Variants in MTTP observed in about 807,000 individuals in gnomAD.
MTTP encodes microsomal triglyceride transfer protein, also known as microsomal triglyceride transfer protein large subunit.
Under a neutral mutation model 90.6 loss-of-function variants are expected in MTTP, and 49 were observed. That is an observed-to-expected ratio of 0.54 (90% CI 0.43 to 0.69). The LOEUF (loss-of-function observed/expected upper bound fraction) is 0.69. MTTP is among the 30% of genes least tolerant of loss of function. The probability of loss-of-function intolerance (pLI) is 0.00; values close to 1 mark genes in which losing one functional copy is unlikely to be tolerated. For missense variants in MTTP, 945 were observed against 1,067.5 expected (o/e 0.89, Z 1.60); for synonymous variants, 347 against 384.2 (o/e 0.90, Z 1.13).
At chr4:99,616,050 G>C (rs1726091707) in intron 15 of MTTP, among the ~76,000 whole-genome samples, 1 of 151,942 alleles carries the variant, frequency 6.6e-6, no homozygotes, top group African/African-American at 2.4e-5. Flanking sequence ...TGTACACCAG[G>C]AGACAAAAGA....
At position 99,586,923 on chromosome 4, in the gene MTTP, G is replaced by A. The variant is rs148407451; in HGVS notation, c.394-2720G>A. Among the ~76,000 whole-genome samples the A allele has an allele frequency of 8.5e-3, 1,288 of 152,166 alleles. 10 individuals carry two copies. The highest frequency in any genetic ancestry group is 0.035 in the South Asian group (167 of 4,822). ...GTGGTTTCCTTGGGTTAAAGACTTC[G>A]TTTGTAACCAGGTCATACCTGCTGC... is the stretch of plus-strand genomic sequence containing the variant. On this transcript the variant is annotated intron_variant, in intron 3 of 17. Transcript: ENST00000265517.
intron 1 of MTTP, among the ~76,000 whole-genome samples, chr4:99,579,997 C>T (rs1725063852): frequency 7.0e-6 from 1 of 142,974 alleles, no homozygotes; most frequent in Non-Finnish European, 1.5e-5. Flanking sequence ...GATCGCATGA[C>T]TGCACTCCAG....
chr4:99,608,937 G>C lies in MTTP; in HGVS notation c.1729G>C (p.Ala577Pro). The C allele has an allele frequency of 6.2e-7, 1 of 1,614,056 alleles. No individual in the cohort carries two copies. Among genetic ancestry groups the C allele is most frequent in the Non-Finnish European group, 8.5e-7 (1 of 1,179,994 alleles). The change falls in exon 12 of 18, where the codon GCC becomes CCC. Residue 577 changes from alanine to proline, a missense_variant. Transcript: ENST00000265517. ...LPQEMNKYML[A>P]IVQDILRFEM... ...CCAAGAAATGAATAAATACATGCTC[G>C]CCATTGTTCAAGACATCCTACGTTT...
rs547700564 is a variant in MTTP at position 99,588,213 on chromosome 4, T to C, written c.394-1430T>C. Among the ~76,000 whole-genome samples the C allele has an allele frequency of 3.9e-5, 6 of 152,288 alleles. No homozygotes were observed. In the South Asian group the frequency reaches 1.0e-3, roughly 26 times the overall value. On this transcript the variant is annotated intron_variant, in intron 3 of 17. Coordinates refer to ENST00000265517, the MANE Select transcript of MTTP (RefSeq NM_001386140.1). Reference sequence around the variant, plus strand: ...TGAGCTTGGTATTATTTGGATTCATTGCATAGCTATTGAGCTTTATGTTTT... The same window carrying C: ...TGAGCTTGGTATTATTTGGATTCATCGCATAGCTATTGAGCTTTATGTTTT...
chr4:99,589,717 T>C lies in MTTP; in HGVS notation c.468T>C (p.Phe156=), dbSNP rs755492617. 7 of 1,604,212 alleles carry C rather than the reference T, an allele frequency of 4.4e-6. No individual in the cohort carries two copies. The South Asian group carries it at 7.7e-5, about 18-fold the overall frequency. The part of the protein sequence containing the change: ...ENIKRGLASL[F]QTQLSSGTTN... ...TCAAGAGAGGTCTGGCTAGCCTATT[T>C]CAGACACAGTTAAGCTCTGGAACCA... Residue 156 remains phenylalanine (F), a synonymous_variant, in exon 4 of 18, where the codon TTT becomes TTC. Coordinates refer to ENST00000265517, the MANE Select transcript of MTTP (RefSeq NM_001386140.1).
At chr4:99,569,746 T>G (rs1255959356) in intron 1 of MTTP, among the ~76,000 whole-genome samples, 1 of 152,016 alleles carries the variant, frequency 6.6e-6, no homozygotes, top group Admixed American at 6.6e-5. Context: ...GTATATTGTT[T>G]AAACAAGAAA....
Position 99,613,079 on chromosome 4 carries a change from C to T in MTTP, c.2156C>T (p.Ser719Leu), listed in dbSNP as rs1726002220. The T allele has an allele frequency of 6.2e-7, 1 of 1,613,950 alleles. No individual in the cohort carries two copies. Among genetic ancestry groups the T allele is most frequent in the African/African-American group, 1.3e-5 (1 of 74,918 alleles). Residue 719 changes from serine to leucine, a missense_variant, in exon 15 of 18, where the codon TCA (serine) becomes TTA (leucine). Ser to Leu is a moderately radical substitution (Grantham distance 145, BLOSUM62 -2). Coordinates refer to ENST00000265517, the MANE Select transcript of MTTP (RefSeq NM_001386140.1). ...GYSDLMSKML[S>L]ASGDPISVVK... ...AGTGATTTGATGTCCAAAATGCTGT[C>T]AGCATCTGGCGACCCTATCAGTGTG... is the stretch of plus-strand genomic sequence containing the variant.
intron 1 of MTTP, among the ~76,000 whole-genome samples, chr4:99,568,073 T>C (rs1367765520): frequency 1.3e-5 from 2 of 151,964 alleles, no homozygotes; most frequent in African/African-American, 4.8e-5. Flanking sequence ...TGAAAATGAT[T>C]CAAAAATAAA....
intron 1 of MTTP, among the ~76,000 whole-genome samples, chr4:99,565,267 G>A (rs1047763232): frequency 3.3e-5 from 5 of 151,982 alleles, no homozygotes; most frequent in Non-Finnish European, 7.4e-5. Context: ...GTTAATACCT[G>A]GCCTCCTTAG....
intron 5 of MTTP, 107 bp downstream of exon 5, chr4:99,591,458 T>G: frequency 8.5e-7 from 1 of 1,173,776 alleles, no homozygotes; most frequent in Non-Finnish European, 1.2e-6. Context: ...GAAACATTTG[T>G]AATTTTTAGT....
In MTTP at chr4:99,581,958, T is replaced by C; in HGVS notation, c.115T>C (p.Ser39Pro). 6.2e-7 allele frequency: 1 copy of C among 1,614,194 alleles called. No homozygotes were observed. Among genetic ancestry groups the C allele is most frequent in the Non-Finnish European group, 8.5e-7 (1 of 1,180,022 alleles). The change falls in exon 2 of 18, where the codon TCC becomes CCC. Residue 39 changes from serine (S) to proline (P), a missense_variant. Ser to Pro is a moderately conservative substitution (Grantham distance 74, BLOSUM62 -1). Coordinates refer to ENST00000265517, the MANE Select transcript of MTTP (RefSeq NM_001386140.1). ...TGACCGGCTGTACAAGCTCACGTAC[T>C]CCACTGAAGTTCTTCTTGATCGGGG... ...NNDRLYKLTY[S>P]TEVLLDRGKG...
rs111866577 is a variant in MTTP at position 99,594,728 on chromosome 4, T to G, written c.759-5T>G. ...AATATAGCATTTCCCTTTGGTATTATGCAGGCAGAAATTAGAGCTGAAGAC... is the reference window on the plus strand; with the variant it reads ...AATATAGCATTTCCCTTTGGTATTAGGCAGGCAGAAATTAGAGCTGAAGAC... On this transcript the variant is annotated splice_region_variant and splice_polypyrimidine_tract_variant and intron_variant, in intron 6 of 17. Transcript: ENST00000265517. 2 of 1,613,910 alleles carry G rather than the reference T, an allele frequency of 1.2e-6. No homozygotes were observed. The highest frequency in any genetic ancestry group is 1.7e-6 in the Non-Finnish European group (2 of 1,179,820).
At position 99,611,313 on chromosome 4, in the gene MTTP, A is replaced by C. The variant is rs1232275726; in HGVS notation, c.1868-19A>C. On this transcript the variant is annotated intron_variant, in intron 13 of 17. Transcript: ENST00000265517. The stretch of plus-strand genomic sequence containing the variant: ...ATTGCTGGAACTGCTATTAAATTAC[A>C]GTTATTGTGTGTCATCAGGTAGTCC... 1.9e-6 allele frequency: 3 copies of C among 1,613,850 alleles called. No individual in the cohort carries two copies. Among genetic ancestry groups the C allele is most frequent in the South Asian group, 2.2e-5 (2 of 91,086 alleles).
At chr4:99,619,230 T>C (rs561731041) in intron 16 of MTTP, 132 bp downstream of exon 16, 6 of 905,116 alleles carry the variant, frequency 6.6e-6, no homozygotes, top group African/African-American at 5.0e-5. Flanking sequence ...TATAAAACGA[T>C]AGAGTTGGAA....
At chr4:99,565,305 A>T (rs1724649853) in intron 1 of MTTP, among the ~76,000 whole-genome samples, 1 of 152,224 alleles carries the variant, frequency 6.6e-6, no homozygotes, top group Non-Finnish European at 1.5e-5. Context: ...TTAAAGCAAA[A>T]AAAACCACTT....
rs1409138403 is a variant in MTTP, at chr4:99,594,836, C to A, written c.862C>A (p.Pro288Thr). ...AGTTGATTCAAAGTACACGGCCATT[C>A]CCATTGTGGGGCAGGTCTTCCAGAG... The part of the protein sequence containing the change: ...KAVDSKYTAI[P>T]IVGQVFQSHC... The change falls in exon 7 of 18, where the codon CCC becomes ACC. Residue 288 changes from proline (P) to threonine (T), a missense_variant. Physicochemically the swap from Pro to Thr is conservative, Grantham distance 38 (BLOSUM62 -1). Coordinates refer to ENST00000265517, the MANE Select transcript of MTTP (RefSeq NM_001386140.1). 1 of 1,613,890 alleles carries A rather than the reference C, an allele frequency of 6.2e-7. No individual in the cohort carries two copies. Among genetic ancestry groups the A allele is most frequent in the Non-Finnish European group, 8.5e-7 (1 of 1,179,922 alleles).
At chr4:99,596,866 A>G (rs1045589560) in intron 7 of MTTP, among the ~76,000 whole-genome samples, 1 of 152,150 alleles carries the variant, frequency 6.6e-6, no homozygotes, top group African/African-American at 2.4e-5. Flanking sequence ...CAGTCCTCCT[A>G]TAGAGGAATG....
chr4:99,576,255 G>A (rs918661057), intron 1 of MTTP, among the ~76,000 whole-genome samples: 7 of 152,172 alleles, frequency 4.6e-5, no homozygotes, highest in Admixed American at 2.6e-4. Flanking sequence ...GTCAAAATAT[G>A]TGTGATTTAA....
chr4:99,611,038 T>C (rs1396101481), intron 12 of MTTP, 105 bp from the exon 13 acceptor site: 3 of 1,227,806 alleles, frequency 2.4e-6, no homozygotes, highest in East Asian at 4.8e-5. Flanking sequence ...ATGAGGAAAA[T>C]TTGGCTTCCT....
Sources: gnomAD v4.1 joint callset for allele counts (sites outside exome capture counted in the v4.1 genomes callset) on GRCh38, gnomAD v4.1.1 for gene constraint, MANE v1.5 for transcripts, NCBI Gene and HGNC (gene_info 2026-07-23, HGNC 2026-07-21) for gene names.